Variants in BBX observed in about 807,000 individuals in gnomAD.
BBX encodes BBX high mobility group box domain containing.
BBX carries 30 observed loss-of-function variants against 100.2 expected under a neutral mutation model. The ratio of observed to expected loss-of-function variants is 0.30; its 90% CI spans 0.22 to 0.41. BBX has a LOEUF of 0.41. BBX is among the 10% of genes least tolerant of loss of function. The probability of loss-of-function intolerance (pLI) is 1.00; values close to 1 mark genes in which losing one functional copy is unlikely to be tolerated. For missense variants in BBX, 1,023 were observed against 1,129.8 expected (o/e 0.91, Z 1.35); for synonymous variants, 376 against 388.1 (o/e 0.97, Z 0.37).
At chr3:107,782,062 T>G (rs549132655) in intron 13 of BBX, among the ~76,000 whole-genome samples, 1 of 152,256 alleles carries the variant, frequency 6.6e-6, no homozygotes, top group South Asian at 2.1e-4. Flanking sequence ...TCTCCATAAC[T>G]GTTTGAAAGT....
At chr3:107,638,282 T>G (rs2056971875) in intron 2 of BBX, among the ~76,000 whole-genome samples, 1 of 152,166 alleles carries the variant, frequency 6.6e-6, no homozygotes, top group African/African-American at 2.4e-5. Context: ...CTCAAACTCC[T>G]GAGTTCAAGT....
chr3:107,525,897 G>T (rs906211085), intron 1 of BBX, among the ~76,000 whole-genome samples: 1 of 152,196 alleles, frequency 6.6e-6, no homozygotes, highest in African/African-American at 2.4e-5. Context: ...GGCACCTCCC[G>T]CCGTCTCCTG....
intron 1 of BBX, 148 bp from the exon 2 acceptor site, chr3:107,526,179 C>T (rs607878): frequency 0.1 from 39,688 of 395,496 alleles, 2,343 homozygotes; most frequent in Non-Finnish European, 0.12. Context: ...TCTCCAGTGT[C>T]GGGGGGTGGT....
At chr3:107,560,220 T>C (rs1245467952) in intron 2 of BBX, among the ~76,000 whole-genome samples, 1 of 150,656 alleles carries the variant, frequency 6.6e-6, no homozygotes, top group Non-Finnish European at 1.5e-5. Context: ...AAAAAAAAAA[T>C]AACAAACCTC....
chr3:107,544,136 A>C (rs1014992370), intron 2 of BBX, among the ~76,000 whole-genome samples: 3 of 152,204 alleles, frequency 2.0e-5, no homozygotes, highest in African/African-American at 7.2e-5. Context: ...TGCTCCTGGG[A>C]GTTCACCTGG....
At chr3:107,768,379 G>A (rs944731978) in intron 10 of BBX, among the ~76,000 whole-genome samples, 3 of 152,082 alleles carry the variant, frequency 2.0e-5, no homozygotes, top group Admixed American at 6.5e-5. Context: ...AATTTCAAAT[G>A]GATTAGAAAA....
At chr3:107,586,202 T>C (rs2052823486) in intron 2 of BBX, among the ~76,000 whole-genome samples, 2 of 152,212 alleles carry the variant, frequency 1.3e-5, no homozygotes, top group African/African-American at 4.8e-5. Context: ...GTTATTTATA[T>C]ATTATTAACT....
rs180797107 is a variant in BBX, at chr3:107,596,493, C to A, written c.-83-49343C>A. Among the ~76,000 whole-genome samples the A allele has an allele frequency of 1.8e-3, 273 of 152,268 alleles. 3 individuals are homozygous for A. Among genetic ancestry groups the A allele is most frequent in the Non-Finnish European group, 2.2e-4 (15 of 68,012 alleles). On this transcript the variant is annotated intron_variant, in intron 2 of 17. Transcript: ENST00000325805. ...AGTTGGGACCCAGAGAGTTTCAGTG[C>A]CTCTCTCAGGGGCTGGCAGCTTATG...
At chr3:107,583,439 T>C (rs2052432690) in intron 2 of BBX, among the ~76,000 whole-genome samples, 1 of 151,946 alleles carries the variant, frequency 6.6e-6, no homozygotes, top group South Asian at 2.1e-4. Context: ...ACAAACTGAG[T>C]GACTGAGTAG....
At chr3:107,706,234 G>C (rs1439354560) in intron 3 of BBX, among the ~76,000 whole-genome samples, 2 of 152,040 alleles carry the variant, frequency 1.3e-5, no homozygotes, top group Non-Finnish European at 2.9e-5. Context: ...ATGTTGGCCA[G>C]GATGGCACAA....
intron 3 of BBX, among the ~76,000 whole-genome samples, chr3:107,667,859 A>G (rs1201264636): frequency 6.6e-6 from 1 of 152,112 alleles, no homozygotes; most frequent in Non-Finnish European, 1.5e-5. Context: ...CTTGAATAAC[A>G]ATATTCATTT....
chr3:107,705,743 A>G (rs1044221379), intron 3 of BBX, among the ~76,000 whole-genome samples: 5 of 152,184 alleles, frequency 3.3e-5, no homozygotes, highest in South Asian at 2.1e-4. Context: ...AGAATCTTCT[A>G]GACACTGTGC....
intron 3 of BBX, among the ~76,000 whole-genome samples, chr3:107,687,169 T>C (rs1019364739): frequency 2.0e-5 from 3 of 152,142 alleles, no homozygotes; most frequent in Non-Finnish European, 2.9e-5. Flanking sequence ...AACAACTTAG[T>C]GACGGCTTAC....
At chr3:107,528,124 T>C (rs899101289) in intron 2 of BBX, among the ~76,000 whole-genome samples, 6 of 152,212 alleles carry the variant, frequency 3.9e-5, no homozygotes, top group Admixed American at 3.3e-4. Context: ...GTTCTGATAG[T>C]GTAAATCTTG....
intron 2 of BBX, among the ~76,000 whole-genome samples, chr3:107,627,765 G>T (rs2056289005): frequency 6.6e-6 from 1 of 151,806 alleles, no homozygotes; most frequent in African/African-American, 2.4e-5. Context: ...AAAATAATAT[G>T]TAACAAGAAT....
At chr3:107,688,281 T>G (rs898976223) in intron 3 of BBX, among the ~76,000 whole-genome samples, 2 of 152,204 alleles carry the variant, frequency 1.3e-5, no homozygotes, top group African/African-American at 4.8e-5. Context: ...CCCTTGAAAG[T>G]TGCTGAACCT....
intron 3 of BBX, among the ~76,000 whole-genome samples, chr3:107,695,714 G>A (rs1442606481): frequency 3.3e-5 from 5 of 151,542 alleles, no homozygotes; most frequent in East Asian, 1.9e-4. Context: ...TATTAGGTCC[G>A]CTTGGTGCAG....
At chr3:107,701,157 G>A (rs548536837) in intron 3 of BBX, among the ~76,000 whole-genome samples, 78 of 152,132 alleles carry the variant, frequency 5.1e-4, no homozygotes, top group African/African-American at 1.7e-3. Context: ...ATGGTATCTC[G>A]TTGTGGTTTT....
Position 107,773,426 on chromosome 3 carries a change from C to G in BBX, c.1705C>G (p.Pro569Ala). 1 of 1,614,052 alleles carries G rather than the reference C, an allele frequency of 6.2e-7. No homozygotes were observed. The highest frequency in any genetic ancestry group is 8.5e-7 in the Non-Finnish European group (1 of 1,179,972). Residue 569 changes from proline (P) to alanine (A), a missense_variant, in exon 11 of 18, where the codon CCA (proline) becomes GCA (alanine). Coordinates refer to ENST00000325805, the MANE Select transcript of BBX (RefSeq NM_001142568.3). The surrounding 1 kb of genome is among the most constrained non-coding windows in gnomAD (Gnocchi z 4.1). ...TAGCAAGAACATTTCTGGTGAGACA[C>G]CAGAGGGTATAAAAGCAGAACCATT... Reference protein sequence around the residue: ...SASKNISGETPEGIKAEPLTP... With the variant: ...SASKNISGETAEGIKAEPLTP...
Sources: allele counts gnomAD v4.1 joint callset (sites outside exome capture counted in the v4.1 genomes callset), GRCh38; gene constraint gnomAD v4.1.1; non-coding constraint Gnocchi (gnomAD v3.1); transcripts MANE v1.5; gene names NCBI Gene and HGNC (gene_info 2026-07-23, HGNC 2026-07-21).